The following KCNIP4 variants were observed in gnomAD, a reference collection of about 807,000 sequenced individuals.
KCNIP4 encodes the protein potassium voltage-gated channel interacting protein 4.
Under a neutral mutation model 34.0 loss-of-function variants are expected in KCNIP4, and 12 were observed. The observed-to-expected ratio is 0.35, with a 90% CI of 0.23 to 0.57. The LOEUF is 0.57. Among genes scored for constraint, KCNIP4 ranks in the 20% least tolerant of loss-of-function variants. The pLI is 0.83. For synonymous variants in KCNIP4, 124 were observed against 102.2 expected (o/e 1.21, Z -1.29); for missense variants, 238 against 311.7 (o/e 0.76, Z 1.78).
At chr4:21,006,924 A>G (rs980802618) in intron 1 of KCNIP4, among the ~76,000 whole-genome samples, 1 of 150,252 alleles carries the variant, frequency 6.7e-6, no homozygotes, top group African/African-American at 2.5e-5. Flanking sequence ...AGGTCTCACA[A>G]TAAATTCTCT....
intron 1 of KCNIP4, among the ~76,000 whole-genome samples, chr4:21,007,773 A>T (rs1353742180): frequency 1.3e-5 from 2 of 152,208 alleles, no homozygotes; most frequent in Non-Finnish European, 2.9e-5. Flanking sequence ...GAACAGTCCC[A>T]GGTGACAGTA....
At chr4:21,346,284 T>TAGAA (rs1717411284) in intron 1 of KCNIP4, among the ~76,000 whole-genome samples, 2 of 113,376 alleles carry the variant, frequency 1.8e-5, no homozygotes, top group Non-Finnish European at 3.4e-5. Flanking sequence ...ATAATATATA[T>TAGAA]TCACATTTGT....
chr4:21,633,363 T>C (rs552731960), intron 1 of KCNIP4, among the ~76,000 whole-genome samples: 2 of 152,242 alleles, frequency 1.3e-5, no homozygotes, highest in African/African-American at 2.4e-5. Flanking sequence ...CCAGTTCTAG[T>C]TGATGGGATG....
chr4:21,934,589 C>T (rs1729746541), intron 1 of KCNIP4, among the ~76,000 whole-genome samples: 1 of 152,048 alleles, frequency 6.6e-6, no homozygotes, highest in South Asian at 2.1e-4. Flanking sequence ...TCTTTAACTG[C>T]ATGCACCACC....
In KCNIP4 at chr4:20,761,179, G is replaced by A. The variant is rs187075124; in HGVS notation, c.289-2289C>T. Among the ~76,000 whole-genome samples, 45 of 152,200 alleles carry A rather than the reference G, an allele frequency of 3.0e-4. 1 individual carries two copies. The East Asian group carries it at 8.7e-3, about 30-fold the overall frequency. ...GGCTTCCCTTGTTCACCAGCACCCTGCCTTTGGACTTGAACTGTAACTGTT... is the reference window on the plus strand; with the variant it reads ...GGCTTCCCTTGTTCACCAGCACCCTACCTTTGGACTTGAACTGTAACTGTT... On this transcript the variant is annotated intron_variant, in intron 3 of 8. Coordinates refer to ENST00000382152, the MANE Select transcript of KCNIP4 (RefSeq NM_025221.6).
intron 1 of KCNIP4, among the ~76,000 whole-genome samples, chr4:21,020,470 C>T (rs751211750): frequency 6.6e-6 from 1 of 152,114 alleles, no homozygotes; most frequent in Non-Finnish European, 1.5e-5. Flanking sequence ...GATACTCCCT[C>T]TTCTGCCTGT....
At chr4:20,931,636 C>A (rs1730483722) in intron 1 of KCNIP4, among the ~76,000 whole-genome samples, 1 of 152,058 alleles carries the variant, frequency 6.6e-6, no homozygotes, top group African/African-American at 2.4e-5. Flanking sequence ...TCTTATGGGA[C>A]TACCATCATA....
rs565432044 is a variant in KCNIP4, at chr4:21,326,227, T to G, written c.62-443518A>C. On this transcript the variant is annotated intron_variant, in intron 1 of 8. Coordinates refer to ENST00000382152, the MANE Select transcript of KCNIP4 (RefSeq NM_025221.6). ...TATTACATTATTGTATTGGGGTATA[T>G]CTGCCATTTTAGCTCTAATAACAGT... Among the ~76,000 whole-genome samples the G allele has an allele frequency of 9.7e-4, 147 of 151,914 alleles. 1 individual carries two copies. Among genetic ancestry groups the G allele is most frequent in the Non-Finnish European group, 1.6e-3 (107 of 67,742 alleles).
intron 1 of KCNIP4, among the ~76,000 whole-genome samples, chr4:21,654,648 G>C (rs935941298): frequency 2.0e-5 from 3 of 152,150 alleles, no homozygotes; most frequent in African/African-American, 7.2e-5. Flanking sequence ...ACTGGGCCGG[G>C]TATGGTGGCT....
chr4:21,943,956 C>CT (rs60916117), intron 1 of KCNIP4, among the ~76,000 whole-genome samples: 127 of 144,744 alleles, frequency 8.8e-4, no homozygotes, highest in East Asian at 7.0e-3. Flanking sequence ...GAGACTCTTG[C>CT]TTTTTTTTTT....
At chr4:21,069,228 T>C (rs1744677579) in intron 1 of KCNIP4, among the ~76,000 whole-genome samples, 1 of 138,090 alleles carries the variant, frequency 7.2e-6, no homozygotes, top group South Asian at 2.1e-4. Flanking sequence ...ATTCTCTAAG[T>C]TTTTTTTTTT....
intron 1 of KCNIP4, among the ~76,000 whole-genome samples, chr4:21,141,391 A>G (rs1424145811): frequency 1.3e-5 from 2 of 152,192 alleles, no homozygotes; most frequent in African/African-American, 2.4e-5. Context: ...TTTTCATAAC[A>G]AGTACTAAGA....
chr4:21,102,455 T>G (rs1239724679), intron 1 of KCNIP4, among the ~76,000 whole-genome samples: 2 of 152,158 alleles, frequency 1.3e-5, no homozygotes, highest in Non-Finnish European at 2.9e-5. Context: ...AGGCCAGCCT[T>G]GGACATAATG....
rs539896918 is a variant in KCNIP4 at position 21,411,833 on chromosome 4, G to A, written c.62-529124C>T. 5.2e-4 allele frequency among the ~76,000 whole-genome samples: 79 copies of A among 152,104 alleles called. No individual in the cohort carries two copies. In the South Asian group the frequency reaches 0.015, roughly 30 times the overall value. On this transcript the variant is annotated intron_variant, in intron 1 of 8. Coordinates refer to ENST00000382152, the MANE Select transcript of KCNIP4 (RefSeq NM_025221.6). ...AGCCTGGGTGACAGAGCAAGATCCC[G>A]TCTCAAAAAAATAAAAGAAGTCAGA... is the stretch of plus-strand genomic sequence containing the variant.
intron 1 of KCNIP4, among the ~76,000 whole-genome samples, chr4:21,596,599 GA>G (rs1458067560): frequency 1.3e-5 from 2 of 152,002 alleles, no homozygotes; most frequent in African/African-American, 4.8e-5. Context: ...AAACAAAAAA[GA>G]ACAAAAACAA....
chr4:21,754,963 A>G (rs1318403396), intron 1 of KCNIP4, among the ~76,000 whole-genome samples: 2 of 152,104 alleles, frequency 1.3e-5, no homozygotes, highest in Non-Finnish European at 2.9e-5. Flanking sequence ...CCTGGCCAAC[A>G]TGGAGAAACC....
intron 1 of KCNIP4, among the ~76,000 whole-genome samples, chr4:21,900,743 A>T (rs1486704430): frequency 3.3e-5 from 5 of 152,194 alleles, no homozygotes; most frequent in Non-Finnish European, 5.9e-5. Flanking sequence ...GCAATAATCT[A>T]TACCTTTCTA....
At chr4:21,222,706 C>T (rs1047322293) in intron 1 of KCNIP4, among the ~76,000 whole-genome samples, 1 of 152,082 alleles carries the variant, frequency 6.6e-6, no homozygotes, top group Admixed American at 6.6e-5. Context: ...GTAATTTTAT[C>T]CCTTCCCTGT....
At chr4:21,791,098 A>G (rs187371863) in intron 1 of KCNIP4, among the ~76,000 whole-genome samples, 2 of 152,196 alleles carry the variant, frequency 1.3e-5, no homozygotes, top group Admixed American at 1.3e-4. Flanking sequence ...GTTTATTATC[A>G]ACAGAAATGT....
Sources: gnomAD v4.1 joint callset for allele counts (sites outside exome capture counted in the v4.1 genomes callset) on GRCh38, gnomAD v4.1.1 for gene constraint, MANE v1.5 for transcripts, NCBI Gene and HGNC (gene_info 2026-07-23, HGNC 2026-07-21) for gene names.